Variants in PTPN18 observed in about 807,000 individuals in gnomAD.
PTPN18 encodes protein tyrosine phosphatase non-receptor type 18.
In PTPN18, 65 loss-of-function variants were observed where a neutral mutation model predicts 65.4. The observed-to-expected ratio is 0.99, with a 90% CI of 0.81 to 1.22. PTPN18 has a LOEUF of 1.22. Ranked by LOEUF, PTPN18 falls within the 50% of genes most tolerant of loss-of-function variation. The pLI is 0.00. For synonymous variants in PTPN18, 255 were observed against 267.8 expected, an observed-to-expected ratio of 0.95 and a Z score of 0.47; for missense variants, 616 against 646.5, an observed-to-expected ratio of 0.95 and a Z score of 0.51.
chr2:130,372,502 C>CA lies in PTPN18; in HGVS notation c.1240+19_1240+20insA, dbSNP rs1680604245. The CA allele has an allele frequency of 5.0e-6, 7 of 1,387,716 alleles. No homozygotes were observed. The East Asian group carries it at 1.8e-4, about 35-fold the overall frequency. 86.0% of individuals were successfully genotyped at this position (1,387,716 alleles called of 1,614,324 possible). A position where few individuals can be genotyped will look rare whatever the true frequency, so the allele number is the denominator to read the frequency against. On this transcript the variant is annotated intron_variant, in intron 13 of 14. Transcript: ENST00000175756. Reference sequence around the variant, plus strand: ...GGCCGCGGTGAGTCGAGGCTTGCTCCTTCTCAGGGCATCATCCTGCTGTGA... The same window carrying CA: ...GGCCGCGGTGAGTCGAGGCTTGCTCCATTCTCAGGGCATCATCCTGCTGTGA...
In PTPN18 at chr2:130,369,167, A is replaced by C. The variant is rs1249874552; in HGVS notation, c.449A>C (p.Glu150Ala). The C allele has an allele frequency of 8.7e-6, 14 of 1,613,404 alleles. No homozygotes were observed. The highest frequency in any genetic ancestry group is 1.2e-5 in the Non-Finnish European group (14 of 1,179,736). ...GAGCGGTACTGGGCCCAGGAGCAGG[A>C]GCCACTGCAGACTGGGCTTTTCTGC... Reference protein sequence around the residue: ...RCERYWAQEQEPLQTGLFCIT... With the variant: ...RCERYWAQEQAPLQTGLFCIT... The change falls in exon 6 of 15, where the codon GAG becomes GCG. Residue 150 changes from glutamate to alanine, a missense_variant. Coordinates refer to ENST00000175756, the MANE Select transcript of PTPN18 (RefSeq NM_014369.4).
rs200619963 is a variant in PTPN18 at position 130,359,326 on chromosome 2, C to T, written c.279+17C>T. 655 of 1,614,112 alleles carry T rather than the reference C, an allele frequency of 4.1e-4. 2 individuals carry two copies. The highest frequency in any genetic ancestry group is 3.1e-3 in the Middle Eastern group (19 of 6,062). On this transcript the variant is annotated intron_variant, in intron 3 of 14. Coordinates refer to ENST00000175756, the MANE Select transcript of PTPN18 (RefSeq NM_014369.4). ...TTCATCCGGGTGAGGGTTGGGGTCACGGAAGGAGGTGGACTGGGAGTGGCC... is the reference window on the plus strand; with the variant it reads ...TTCATCCGGGTGAGGGTTGGGGTCATGGAAGGAGGTGGACTGGGAGTGGCC...
chr2:130,365,989 A>G (rs1297618184), intron 5 of PTPN18, among the ~76,000 whole-genome samples: 4 of 152,242 alleles, frequency 2.6e-5, no homozygotes, highest in Admixed American at 6.5e-5. Flanking sequence ...AAGTTCTGAA[A>G]TCAGGAAGTA....
At chr2:130,359,555 C>A in intron 4 of PTPN18, 53 bp from the exon 5 acceptor site, 4 of 1,612,878 alleles carry the variant, frequency 2.5e-6, no homozygotes, top group South Asian at 1.1e-5. Context: ...TCGGCAGTTT[C>A]CCTGGCCCCC....
chr2:130,361,618 T>C (rs1680219210), intron 5 of PTPN18, among the ~76,000 whole-genome samples: 1 of 150,540 alleles, frequency 6.6e-6, no homozygotes, highest in African/African-American at 2.5e-5. Context: ...AGATGCAGTT[T>C]CCCTCGTCAC....
At chr2:130,356,323 G>A (rs1679969309) in intron 1 of PTPN18, 123 bp downstream of exon 1, 2 of 661,246 alleles carry the variant, frequency 3.0e-6, no homozygotes, top group Non-Finnish European at 4.6e-6. Context: ...CCGCCTCGGG[G>A]GGTCTCTCCG....
intron 10 of PTPN18, 30 bp downstream of exon 10, chr2:130,370,812 A>C (rs1680534466): frequency 6.2e-7 from 1 of 1,612,036 alleles, no homozygotes; most frequent in African/African-American, 1.3e-5. Flanking sequence ...ATCTTCAGGG[A>C]CAGTGGCCCA....
In PTPN18 at chr2:130,372,499, C is replaced by T; in HGVS notation, c.1240+16C>T. 2.2e-6 allele frequency: 3 copies of T among 1,388,240 alleles called. No individual in the cohort carries two copies. Among genetic ancestry groups the T allele is most frequent in the Non-Finnish European group, 9.3e-7 (1 of 1,078,886 alleles). 86.0% of individuals were successfully genotyped at this position (1,388,240 alleles called of 1,614,324 possible). A position where few individuals can be genotyped will look rare whatever the true frequency, so the allele number is the denominator to read the frequency against. ...CCTGGCCGCGGTGAGTCGAGGCTTG[C>T]TCCTTCTCAGGGCATCATCCTGCTG... On this transcript the variant is annotated intron_variant, in intron 13 of 14. Coordinates refer to ENST00000175756, the MANE Select transcript of PTPN18 (RefSeq NM_014369.4).
rs368876150 is a variant in PTPN18 at position 130,372,853 on chromosome 2, G to T, written c.1241-20G>T. 7 of 1,611,586 alleles carry T rather than the reference G, an allele frequency of 4.3e-6. No individual in the cohort carries two copies. The highest frequency in any genetic ancestry group is 2.2e-5 in the South Asian group (2 of 91,066). Reference sequence around the variant, plus strand: ...CCTGGGGCTTCCGGAGCTGACCCGTGGGGGGTCTGCTGCCCTCAGTTCCTG... The same window carrying T: ...CCTGGGGCTTCCGGAGCTGACCCGTTGGGGGTCTGCTGCCCTCAGTTCCTG... On this transcript the variant is annotated intron_variant, in intron 13 of 14. Transcript: ENST00000175756.
Position 130,370,543 on chromosome 2 carries a change from G to A in PTPN18, c.690-14G>A, listed in dbSNP as rs367846298. 15 of 1,614,038 alleles carry A rather than the reference G, an allele frequency of 9.3e-6. No homozygotes were observed. Among genetic ancestry groups the A allele is most frequent in the East Asian group, 4.5e-5 (2 of 44,888 alleles). Reference sequence around the variant, plus strand: ...GTCAGGACCTGACCAGGCACACTCTGATTCTCTTGTCAGTGCGGGTTGTGG... The same window carrying A: ...GTCAGGACCTGACCAGGCACACTCTAATTCTCTTGTCAGTGCGGGTTGTGG... On this transcript the variant is annotated splice_polypyrimidine_tract_variant and intron_variant, in intron 8 of 14. Transcript: ENST00000175756.
intron 5 of PTPN18, among the ~76,000 whole-genome samples, chr2:130,360,240 G>C (rs1358480833): frequency 6.6e-6 from 1 of 152,144 alleles, no homozygotes; most frequent in Non-Finnish European, 1.5e-5. Flanking sequence ...AATGTATTAT[G>C]TACATTGTTT....
chr2:130,361,512 C>CTCTTTCTTTCTTTCTTTCTT (rs70994707), intron 5 of PTPN18, among the ~76,000 whole-genome samples: 30 of 122,938 alleles, frequency 2.4e-4, no homozygotes, highest in African/African-American at 5.6e-4. Flanking sequence ...TCTTTTCTTT[C>CTCTTTCTTTCTTTCTTTCTT]TCTTTCTTTC....
Position 130,370,290 on chromosome 2 carries a change from T to G in PTPN18, c.689+100T>G, listed in dbSNP as rs1164526479. On this transcript the variant is annotated intron_variant, in intron 8 of 14. Coordinates refer to ENST00000175756, the MANE Select transcript of PTPN18 (RefSeq NM_014369.4). ...GCTAGTCTTGTAGTCTGAGTGCCTA[T>G]TTTGAGAACCCTTGCTCACCCTCCA... is the stretch of plus-strand genomic sequence containing the variant. 3 of 1,529,262 alleles carry G rather than the reference T, an allele frequency of 2.0e-6. No homozygotes were observed. In the African/African-American group the frequency reaches 4.1e-5, roughly 21 times the overall value. 94.7% of individuals were successfully genotyped at this position (1,529,262 alleles called of 1,614,324 possible).
At chr2:130,356,452 C>G in intron 1 of PTPN18, 1 of 536,444 alleles carries the variant, frequency 1.9e-6, no homozygotes. Flanking sequence ...CACCCTCGTT[C>G]CCGGTGTCCT....
chr2:130,357,020 G>A lies in PTPN18; in HGVS notation c.93+820G>A, dbSNP rs575468839. Among the ~76,000 whole-genome samples, 134 of 152,204 alleles carry A rather than the reference G, an allele frequency of 8.8e-4. 1 individual carries two copies. Among genetic ancestry groups the A allele is most frequent in the Non-Finnish European group, 7.4e-4 (50 of 67,988 alleles). Reference sequence around the variant, plus strand: ...AGCCTGGGCAACACAGCGAAACCCCGTCTCTACTAAAAATACAAAAATCAA... The same window carrying A: ...AGCCTGGGCAACACAGCGAAACCCCATCTCTACTAAAAATACAAAAATCAA... On this transcript the variant is annotated intron_variant, in intron 1 of 14. Coordinates refer to ENST00000175756, the MANE Select transcript of PTPN18 (RefSeq NM_014369.4).
chr2:130,371,304 C>T lies in PTPN18; in HGVS notation c.1013+17C>T, dbSNP rs201902807. On this transcript the variant is annotated intron_variant, in intron 12 of 14. Coordinates refer to ENST00000175756, the MANE Select transcript of PTPN18 (RefSeq NM_014369.4). ...GGTCCTCAGGTACCCGGCTCCATCC[C>T]CGGATTCTTCCCTGCCCAATTTCTC... The T allele has an allele frequency of 1.1e-5, 17 of 1,544,552 alleles. No homozygotes were observed. In the East Asian group the frequency reaches 3.1e-4, roughly 29 times the overall value.
chr2:130,359,733 A>C, intron 5 of PTPN18, 87 bp downstream of exon 5: 1 of 1,463,972 alleles, frequency 6.8e-7, no homozygotes, highest in Non-Finnish European at 9.5e-7. Flanking sequence ...CCAGGACCCG[A>C]GGGTCCAGCT....
Position 130,375,054 on chromosome 2 carries a change from C to T in PTPN18, c.*1830C>T. On this transcript the variant is annotated 3_prime_UTR_variant, in exon 15 of 15. Coordinates refer to ENST00000175756, the MANE Select transcript of PTPN18 (RefSeq NM_014369.4). ...CTGTGCCCCTACTCCCACTCTAGAG[C>T]TGCCCCGTTTCTCTGTTTTCGTGAA... The T allele has an allele frequency of 4.8e-6, 1 of 206,506 alleles. No individual in the cohort carries two copies. The allele number at this position is 206,506 out of a possible 1,614,324, so 12.8% of individuals were successfully genotyped here.
chr2:130,369,745 G>T lies in PTPN18; in HGVS notation c.484-20G>T. The T allele has an allele frequency of 6.4e-7, 1 of 1,556,532 alleles. No homozygotes were observed. Among genetic ancestry groups the T allele is most frequent in the Non-Finnish European group, 8.8e-7 (1 of 1,136,078 alleles). ...TTTGTTCTCCTCCCTCTTCTTACTT[G>T]CCCCACCCCCCTTACTCAGATAAAG... is the stretch of plus-strand genomic sequence containing the variant. On this transcript the variant is annotated intron_variant, in intron 6 of 14. Transcript: ENST00000175756.
Sources: allele counts gnomAD v4.1 joint callset (sites outside exome capture counted in the v4.1 genomes callset), GRCh38; gene constraint gnomAD v4.1.1; transcripts MANE v1.5; gene names NCBI Gene and HGNC (gene_info 2026-07-23, HGNC 2026-07-21).